SH3D19: variants seen among roughly 807,000 people sequenced by gnomAD.
SH3D19 encodes the protein SH3 domain-containing protein 19.
Under a neutral mutation model 112.1 loss-of-function variants are expected in SH3D19, and 58 were observed. The observed-to-expected ratio is 0.52, with a 90% CI of 0.42 to 0.64. SH3D19 has a LOEUF of 0.64. Among genes scored for constraint, SH3D19 ranks in the 30% least tolerant of loss-of-function variants. SH3D19 has a pLI of 0.00. For synonymous variants in SH3D19, 391 were observed against 448.5 expected, an observed-to-expected ratio of 0.87 and a Z score of 1.62; for missense variants, 1,090 against 1,263.4, an observed-to-expected ratio of 0.86 and a Z score of 2.08.
At chr4:151,279,198 G>GA (rs1413157413) in intron 1 of SH3D19, 2 of 263,638 alleles carry the variant, frequency 7.6e-6, no homozygotes, top group Non-Finnish European at 7.3e-6. Context: ...GCACACTAGA[G>GA]AAAGAAGAGA....
At chr4:151,217,860 ATGG>A (rs1767377540) in intron 2 of SH3D19, among the ~76,000 whole-genome samples, 1 of 152,228 alleles carries the variant, frequency 6.6e-6, no homozygotes, top group South Asian at 2.1e-4. Flanking sequence ...GGAAACTGAC[ATGG>A]TAATACTTTC....
chr4:151,153,409 G>A (rs1755458975), intron 9 of SH3D19, among the ~76,000 whole-genome samples: 1 of 151,738 alleles, frequency 6.6e-6, no homozygotes, highest in East Asian at 1.9e-4. Flanking sequence ...ACCACACCTG[G>A]CTAATTTTGT....
intron 2 of SH3D19, among the ~76,000 whole-genome samples, chr4:151,222,726 G>A (rs149644641): frequency 0.016 from 2,233 of 139,140 alleles, 22 homozygotes; most frequent in South Asian, 0.036. Flanking sequence ...AGACTGGAGC[G>A]CAGTGGAGTG....
chr4:151,233,292 T>C (rs1304644139), intron 1 of SH3D19, among the ~76,000 whole-genome samples: 1 of 152,124 alleles, frequency 6.6e-6, no homozygotes, highest in Non-Finnish European at 1.5e-5. Context: ...AAATGTAATA[T>C]GTTTGAATGA....
chr4:151,301,507 G>A (rs1253639315), intron 1 of SH3D19, among the ~76,000 whole-genome samples: 1 of 152,160 alleles, frequency 6.6e-6, no homozygotes, highest in East Asian at 1.9e-4. Context: ...GATTACAAGC[G>A]TGAGCCACCG....
At chr4:151,221,890 A>G (rs1416965511) in intron 2 of SH3D19, among the ~76,000 whole-genome samples, 1 of 152,244 alleles carries the variant, frequency 6.6e-6, no homozygotes, top group Non-Finnish European at 1.5e-5. Context: ...GTGTAAGTCC[A>G]CAACAATGGA....
chr4:151,211,163 G>A (rs1459359719), intron 2 of SH3D19, among the ~76,000 whole-genome samples: 1 of 151,792 alleles, frequency 6.6e-6, no homozygotes. Flanking sequence ...CCAGCTACTC[G>A]AGAGGCTGAG....
chr4:151,236,794 G>A (rs775520801), intron 1 of SH3D19, among the ~76,000 whole-genome samples: 8 of 151,690 alleles, frequency 5.3e-5, no homozygotes, highest in Non-Finnish European at 1.2e-4. Flanking sequence ...ATGGCCAATC[G>A]GCACTCTGTG....
At chr4:151,135,494 C>G (rs1185239192) in intron 14 of SH3D19, among the ~76,000 whole-genome samples, 1 of 128,988 alleles carries the variant, frequency 7.8e-6, no homozygotes, top group South Asian at 2.5e-4. Flanking sequence ...GCGGCACAAT[C>G]AGAACTCACT....
intron 7 of SH3D19, among the ~76,000 whole-genome samples, chr4:151,172,108 G>T (rs543249586): frequency 1.8e-4 from 27 of 152,072 alleles, no homozygotes; most frequent in African/African-American, 6.3e-4. Context: ...AGAGTTATTT[G>T]TAAGTTTCTC....
At chr4:151,157,395 C>T (rs1236765452) in intron 9 of SH3D19, among the ~76,000 whole-genome samples, 3 of 151,198 alleles carry the variant, frequency 2.0e-5, no homozygotes, top group Non-Finnish European at 4.4e-5. Context: ...GGTATCATCT[C>T]ACCCCAGTTG....
intron 1 of SH3D19, among the ~76,000 whole-genome samples, chr4:151,247,250 C>T (rs1771009378): frequency 6.6e-6 from 1 of 151,954 alleles, no homozygotes; most frequent in Non-Finnish European, 1.5e-5. Context: ...GTTATTTCAC[C>T]TTCATAAAAA....
chr4:151,312,043 A>G (rs1729508023), intron 1 of SH3D19, among the ~76,000 whole-genome samples: 1 of 152,160 alleles, frequency 6.6e-6, no homozygotes. Context: ...TCTCACTATA[A>G]GAAACAAAAA....
intron 1 of SH3D19, among the ~76,000 whole-genome samples, chr4:151,237,318 T>C (rs778423604): frequency 6.6e-6 from 1 of 152,236 alleles, no homozygotes; most frequent in African/African-American, 2.4e-5. Context: ...ATATTTTTTC[T>C]TTAATTCTAT....
intron 1 of SH3D19, chr4:151,261,038 A>AACAC (rs146080929): frequency 6.6e-6 from 1 of 151,532 alleles, no homozygotes; most frequent in South Asian, 2.1e-4. Flanking sequence ...TCCCTGCCCC[A>AACAC]ACACACACAC....
chr4:151,254,856 G>A (rs940957773), intron 1 of SH3D19, among the ~76,000 whole-genome samples: 5 of 151,934 alleles, frequency 3.3e-5, no homozygotes, highest in Admixed American at 2.6e-4. Flanking sequence ...CAGACGGGGT[G>A]GTGGCCGGGC....
At chr4:151,313,835 T>C (rs191902526) in intron 1 of SH3D19, among the ~76,000 whole-genome samples, 278 of 152,236 alleles carry the variant, frequency 1.8e-3, no homozygotes, top group Middle Eastern at 0.014. Context: ...AAGGGTGTGG[T>C]AGCAAGATAA....
At chr4:151,157,870 C>T (rs1297408159) in intron 9 of SH3D19, among the ~76,000 whole-genome samples, 2 of 151,070 alleles carry the variant, frequency 1.3e-5, no homozygotes, top group Non-Finnish European at 3.0e-5. Context: ...CTCATTCATA[C>T]ATGGAAGCTA....
At chr4:151,165,159 T>C (rs1757787221) in intron 8 of SH3D19, among the ~76,000 whole-genome samples, 1 of 152,174 alleles carries the variant, frequency 6.6e-6, no homozygotes, top group African/African-American at 2.4e-5. Flanking sequence ...CTGACCAATG[T>C]GGTGAAACCC....
Sources: allele counts gnomAD v4.1 joint callset (sites outside exome capture counted in the v4.1 genomes callset), GRCh38; gene constraint gnomAD v4.1.1; transcripts MANE v1.5; gene names NCBI Gene and HGNC (gene_info 2026-07-23, HGNC 2026-07-21).